The following MYO15B variants were observed in gnomAD, a reference collection of about 807,000 sequenced individuals.
MYO15B encodes myosin XVB pseudogene.
In MYO15B, 207 loss-of-function variants were observed where a neutral mutation model predicts 119.3. The observed-to-expected ratio is 1.73, with a 90% CI of 1.55 to 1.95. The LOEUF is 1.95. MYO15B is among the 30% of genes most tolerant of loss of function. The probability of loss-of-function intolerance (pLI) is 0.00; values close to 1 mark genes in which losing one functional copy is unlikely to be tolerated. For synonymous variants in MYO15B, 966 were observed against 498.9 expected, an observed-to-expected ratio of 1.94 and a Z score of -12.48; for missense variants, 2,264 against 1,203.1, an observed-to-expected ratio of 1.88 and a Z score of -13.04.
In MYO15B at chr17:75,624,548, A is replaced by C. The variant is rs760123206; in HGVS notation, c.8451A>C (p.Ala2817=). The C allele has an allele frequency of 4.3e-6, 3 of 703,040 alleles. No homozygotes were observed. In the South Asian group the frequency reaches 4.4e-5, roughly 10 times the overall value. 43.6% of individuals were successfully genotyped at this position (703,040 alleles called of 1,614,324 possible). Residue 2817 remains alanine, a synonymous_variant, in exon 58 of 64, where the codon GCA becomes GCC. Coordinates refer to ENST00000645453, the Ensembl canonical transcript of MYO15B. ...CAGTCTGTCCACATGCCCAGGTAGC[A>C]GCAGAAGTGCAGGAGGAGCTGTGCC... is the stretch of plus-strand genomic sequence containing the variant.
intron 47 of MYO15B, 103 bp downstream of exon 47, chr17:75,620,123 C>T (rs1338917106): frequency 1.5e-6 from 1 of 647,230 alleles, no homozygotes; most frequent in Non-Finnish European, 2.8e-6. Context: ...GAGTTTGGGC[C>T]AAATCCCTGG....
exon 35 of MYO15B, chr17:75,615,588 G>A: frequency 1.4e-6 from 1 of 700,726 alleles, no homozygotes. Context: ...TCCAGCAGCA[G>A]GCGCTAATCC....
intron 14 of MYO15B, among the ~76,000 whole-genome samples, chr17:75,598,117 C>A (rs1399768188): frequency 6.6e-6 from 1 of 151,636 alleles, no homozygotes; most frequent in Non-Finnish European, 1.5e-5. Flanking sequence ...AACCCTCCCC[C>A]ATTTTCCCAA....
chr17:75,615,844 A>T (rs1008949851), exon 36 of MYO15B: 1 of 701,240 alleles, frequency 1.4e-6, no homozygotes, highest in African/African-American at 1.7e-5. Flanking sequence ...CCCCCGGAGA[A>T]GCCACAGCGT....
chr17:75,612,758 T>G, intron 25 of MYO15B, 40 bp from the exon 26 acceptor site: 1 of 702,634 alleles, frequency 1.4e-6, no homozygotes, highest in Non-Finnish European at 2.6e-6. Flanking sequence ...GGCTGTCTGA[T>G]AGCTGGTGAG....
chr17:75,625,536 G>A (rs1448339057), exon 61 of MYO15B: 1 of 703,116 alleles, frequency 1.4e-6, no homozygotes, highest in Non-Finnish European at 2.6e-6. Flanking sequence ...GGCAGGACCT[G>A]CTAGCTTACG....
Position 75,601,479 on chromosome 17 carries a change from T to C in MYO15B, c.3567T>C (p.His1189=), listed in dbSNP as rs1394528796. ...TCCTCCAGAAGAGCCACTATCACCA[T>C]GGTGACCACCCCAGCTATGCCAAGC... Residue 1189 remains histidine, a synonymous_variant, in exon 15 of 64, where the codon CAT becomes CAC. Transcript: ENST00000645453. 4 of 703,088 alleles carry C rather than the reference T, an allele frequency of 5.7e-6. No homozygotes were observed. In the Admixed American group the frequency reaches 6.0e-5, roughly 11 times the overall value. The allele number at this position is 703,088 out of a possible 1,614,324, so 43.6% of individuals were successfully genotyped here.
chr17:75,613,892 G>A, intron 29 of MYO15B, 115 bp downstream of exon 29: 2 of 610,050 alleles, frequency 3.3e-6, no homozygotes, highest in Non-Finnish European at 5.9e-6. Context: ...GGGGTGGGCA[G>A]GGGCCAGACT....
intron 19 of MYO15B, among the ~76,000 whole-genome samples, chr17:75,605,128 A>G (rs1037778698): frequency 1.5e-5 from 2 of 133,210 alleles, no homozygotes; most frequent in African/African-American, 5.7e-5. Context: ...TGAGAATGAA[A>G]CTCTGTCTCA....
At chr17:75,587,939 T>C (rs1241632521) in exon 1 of MYO15B, 4 of 396,418 alleles carry the variant, frequency 1.0e-5, no homozygotes, top group African/African-American at 6.2e-5. Flanking sequence ...GTAGAGCCTG[T>C]AGCCCCTGCG....
intron 29 of MYO15B, 131 bp from the exon 30 acceptor site, chr17:75,614,068 C>T: frequency 1.6e-6 from 1 of 623,112 alleles, no homozygotes; most frequent in South Asian, 1.8e-5. Flanking sequence ...GCTGAGCAAA[C>T]CTGGGTCCCG....
intron 22 of MYO15B, 153 bp from the exon 23 acceptor site, chr17:75,610,747 G>C: frequency 3.2e-6 from 2 of 628,756 alleles, no homozygotes; most frequent in South Asian, 3.6e-5. Context: ...GGCCCTGGAG[G>C]GCCAGGGGTG....
intron 58 of MYO15B, 55 bp downstream of exon 58, chr17:75,624,694 G>A (rs1031566816): frequency 5.7e-6 from 4 of 702,934 alleles, no homozygotes; most frequent in Non-Finnish European, 7.8e-6. Flanking sequence ...CAGGGGTGAG[G>A]TGGTTTGGTT....
intron 53 of MYO15B, among the ~76,000 whole-genome samples, chr17:75,622,529 A>G (rs1205282148): frequency 2.0e-5 from 3 of 152,226 alleles, no homozygotes; most frequent in African/African-American, 7.2e-5. Flanking sequence ...CCAGGCCACC[A>G]CAGGCCTTGT....
chr17:75,624,141 G>T (rs2058875481), intron 55 of MYO15B, 34 bp from the exon 56 acceptor site: 4 of 702,740 alleles, frequency 5.7e-6, no homozygotes, highest in Non-Finnish European at 7.8e-6. Flanking sequence ...GGGAGACATG[G>T]CCATCTCATA....
At position 75,597,434 on chromosome 17, in the gene MYO15B, C is replaced by T. The variant is rs772491169; in HGVS notation, c.3525+535C>T. On this transcript the variant is annotated intron_variant, in intron 14 of 63. Coordinates refer to ENST00000645453, the Ensembl canonical transcript of MYO15B. The stretch of plus-strand genomic sequence containing the variant: ...GTCTATTCATTCACTGACTCCTTAC[C>T]GCGCCAGACTGGGCTCCACAAGGGC... Among the ~76,000 whole-genome samples, 8 of 152,212 alleles carry T rather than the reference C, an allele frequency of 5.3e-5. No individual in the cohort carries two copies. The South Asian group carries it at 1.2e-3, about 24-fold the overall frequency.
At chr17:75,618,301 T>G in intron 43 of MYO15B, 116 bp downstream of exon 43, 1 of 660,762 alleles carries the variant, frequency 1.5e-6, no homozygotes. Context: ...CAGCCAGCAC[T>G]GGGGGGCACT....
Position 75,592,856 on chromosome 17 carries a change from G to T in MYO15B, c.2991+16G>T. ...CTCCTCAGAGGTGGGCTTCCCCGTG[G>T]GCAGGGGCCATCTGGGGTGCTGGGT... On this transcript the variant is annotated intron_variant, in intron 9 of 63. Coordinates refer to ENST00000645453, the Ensembl canonical transcript of MYO15B. 1 of 698,800 alleles carries T rather than the reference G, an allele frequency of 1.4e-6. No homozygotes were observed. Among genetic ancestry groups the T allele is most frequent in the Non-Finnish European group, 2.6e-6 (1 of 382,250 alleles). The allele number at this position is 698,800 out of a possible 1,614,324, so 43.3% of individuals were successfully genotyped here. A position where few individuals can be genotyped will look rare whatever the true frequency, so the allele number is the denominator to read the frequency against.
At position 75,626,159 on chromosome 17, in the gene MYO15B, G is replaced by GC. The variant is rs756280398; in HGVS notation, c.9149dup (p.Gly3051TrpfsTer10). 2 of 702,950 alleles carry GC rather than the reference G, an allele frequency of 2.8e-6. No homozygotes were observed. The highest frequency in any genetic ancestry group is 1.7e-5 in the African/African-American group (1 of 57,264). 43.5% of individuals were successfully genotyped at this position (702,950 alleles called of 1,614,324 possible). A position where few individuals can be genotyped will look rare whatever the true frequency, so the allele number is the denominator to read the frequency against. On this transcript the variant is annotated frameshift_variant, in exon 63 of 64. Coordinates refer to ENST00000645453, the Ensembl canonical transcript of MYO15B. LOFTEE classifies it high-confidence loss of function. Reference sequence around the variant, plus strand: ...TGCTAAGCCCTCTGGAGGAGAAGGGGCCCCCTGGCCTGGAAGTCAACTATG... The same window carrying GC: ...TGCTAAGCCCTCTGGAGGAGAAGGGGCCCCCCTGGCCTGGAAGTCAACTATG...
Sources: gnomAD v4.1 joint callset for allele counts (sites outside exome capture counted in the v4.1 genomes callset) on GRCh38, gnomAD v4.1.1 for gene constraint, MANE v1.5 for transcripts, NCBI Gene and HGNC (gene_info 2026-07-23, HGNC 2026-07-21) for gene names.